The following COMMD1 variants were observed in gnomAD, a reference collection of about 807,000 sequenced individuals.
COMMD1 encodes the protein copper metabolism domain containing 1.
In COMMD1, 10 loss-of-function variants were observed where a neutral mutation model predicts 17.2. That is an observed-to-expected ratio of 0.58 (90% confidence interval 0.36 to 0.99). COMMD1 has a LOEUF of 0.99. Ranked by LOEUF, COMMD1 falls within the 50% of genes least tolerant of loss-of-function variation. The probability of loss-of-function intolerance (pLI) is 0.01; values close to 1 mark genes in which losing one functional copy is unlikely to be tolerated. For synonymous variants in COMMD1, 97 were observed against 91.6 expected, an observed-to-expected ratio of 1.06 and a Z score of -0.34; for missense variants, 270 against 231.8, an observed-to-expected ratio of 1.17 and a Z score of -1.07.
intron 2 of COMMD1, among the ~76,000 whole-genome samples, chr2:62,024,981 CT>C: frequency 6.6e-6 from 1 of 152,246 alleles, no homozygotes; most frequent in South Asian, 2.1e-4. Context: ...AATACTAGCA[CT>C]TTAGGAGGCT....
At chr2:61,962,796 C>A (rs1390383171) in intron 1 of COMMD1, among the ~76,000 whole-genome samples, 1 of 152,114 alleles carries the variant, frequency 6.6e-6, no homozygotes, top group Non-Finnish European at 1.5e-5. Context: ...CACATTTGGG[C>A]CCCTCCCAGA....
intron 1 of COMMD1, among the ~76,000 whole-genome samples, chr2:61,937,102 G>C (rs1189186745): frequency 6.6e-6 from 1 of 152,308 alleles, no homozygotes; most frequent in Non-Finnish European, 1.5e-5. Flanking sequence ...TTAAGATAAG[G>C]GGTTGTAGAC....
intron 1 of COMMD1, among the ~76,000 whole-genome samples, chr2:61,897,239 T>G (rs2105159757): frequency 6.6e-6 from 1 of 152,354 alleles, no homozygotes; most frequent in Non-Finnish European, 1.5e-5. Context: ...CATGATTAAC[T>G]ACCCTAGACC....
intron 2 of COMMD1, among the ~76,000 whole-genome samples, chr2:62,107,173 A>G (rs189186068): frequency 3.3e-5 from 5 of 152,344 alleles, no homozygotes; most frequent in Admixed American, 1.3e-4. Context: ...AGGAAAGTTT[A>G]AGTTATTTAG....
chr2:62,103,533 G>A lies in COMMD1; in HGVS notation c.463-32298G>A, dbSNP rs1297651667. 2.0e-5 allele frequency among the ~76,000 whole-genome samples: 3 copies of A among 152,296 alleles called. No homozygotes were observed. The East Asian group carries it at 5.8e-4, about 29-fold the overall frequency. On this transcript the variant is annotated intron_variant, in intron 2 of 2. Transcript: ENST00000311832. ...CCACACTATCATGAGTTTATTTTAGGTGTAGACCGTATATAGAACACAGGC... is the reference window on the plus strand; with the variant it reads ...CCACACTATCATGAGTTTATTTTAGATGTAGACCGTATATAGAACACAGGC...
intron 2 of COMMD1, among the ~76,000 whole-genome samples, chr2:62,035,002 A>G (rs547181971): frequency 2.0e-5 from 3 of 152,304 alleles, no homozygotes; most frequent in Non-Finnish European, 4.4e-5. Flanking sequence ...TCACATGTTT[A>G]ATTCTTATGT....
intron 2 of COMMD1, among the ~76,000 whole-genome samples, chr2:62,002,489 CAGAAAAAAAAAAAA>C (rs1668975181): frequency 2.1e-5 from 1 of 48,694 alleles, no homozygotes; most frequent in African/African-American, 1.0e-4. Flanking sequence ...GAGATTCCAC[CAGAAAAAAAAAAAA>C]AAAAAAAAAA....
At chr2:61,942,533 G>C (rs967333297) in intron 1 of COMMD1, among the ~76,000 whole-genome samples, 1 of 148,470 alleles carries the variant, frequency 6.7e-6, no homozygotes, top group Non-Finnish European at 1.5e-5. Flanking sequence ...GAGCCACTGT[G>C]CCTGGCCTTT....
chr2:61,993,240 AC>A (rs1354911665), intron 1 of COMMD1, among the ~76,000 whole-genome samples: 1 of 152,242 alleles, frequency 6.6e-6, no homozygotes, highest in Admixed American at 6.5e-5. Context: ...GAGGGCTTCT[AC>A]CAGCTAGTAG....
chr2:61,903,679 A>AGT (rs1254256714), upstream of COMMD1, among the ~76,000 whole-genome samples: 1 of 151,538 alleles, frequency 6.6e-6, no homozygotes, highest in Non-Finnish European at 1.5e-5. Context: ...CAGCCTCCCG[A>AGT]GTAGCTGGGA....
intron 2 of COMMD1, among the ~76,000 whole-genome samples, chr2:62,051,001 G>A (rs778317028): frequency 1.3e-5 from 2 of 151,998 alleles, no homozygotes; most frequent in Non-Finnish European, 2.9e-5. Flanking sequence ...AAAATCTGTA[G>A]GTGAAATTGT....
chr2:61,955,572 CTGTT>C (rs1157171707), intron 1 of COMMD1, among the ~76,000 whole-genome samples: 3 of 152,078 alleles, frequency 2.0e-5, no homozygotes, highest in African/African-American at 7.2e-5. Flanking sequence ...GAGTTCTCTT[CTGTT>C]TGTTTTTTTC....
At position 62,061,578 on chromosome 2, in the gene COMMD1, C is replaced by T. The variant is rs191845908; in HGVS notation, c.462+60596C>T. Among the ~76,000 whole-genome samples, 1,047 of 131,884 alleles carry T rather than the reference C, an allele frequency of 7.9e-3. 16 individuals are homozygous for T. The highest frequency in any genetic ancestry group is 0.027 in the African/African-American group (951 of 35,824). 86.5% of individuals were successfully genotyped at this position (131,884 alleles called of 152,430 possible). On this transcript the variant is annotated intron_variant, in intron 2 of 2. Coordinates refer to ENST00000311832, the MANE Select transcript of COMMD1 (RefSeq NM_152516.4). ...TCTTTTTTTTTTTTTTTTTTTGAGACGGAATCTAGCTCTGTTGCCCAGGCT... is the reference window on the plus strand; with the variant it reads ...TCTTTTTTTTTTTTTTTTTTTGAGATGGAATCTAGCTCTGTTGCCCAGGCT...
intron 2 of COMMD1, among the ~76,000 whole-genome samples, chr2:62,039,876 T>G (rs575208907): frequency 6.6e-6 from 1 of 152,196 alleles, no homozygotes; most frequent in African/African-American, 2.4e-5. Context: ...CATAGTAACA[T>G]GTAGTTTTAT....
intron 2 of COMMD1, among the ~76,000 whole-genome samples, chr2:62,094,046 C>T (rs1213169061): frequency 6.6e-6 from 1 of 152,194 alleles, no homozygotes; most frequent in East Asian, 1.9e-4. Context: ...AAATAAGAAC[C>T]ATCCGTGAAC....
At chr2:62,080,807 A>G (rs887075193) in intron 2 of COMMD1, among the ~76,000 whole-genome samples, 7 of 151,416 alleles carry the variant, frequency 4.6e-5, no homozygotes, top group African/African-American at 1.7e-4. Context: ...TTTTTTACCA[A>G]AATTGGCTAT....
chr2:62,096,198 C>T (rs1672005941), intron 2 of COMMD1, among the ~76,000 whole-genome samples: 1 of 152,076 alleles, frequency 6.6e-6, no homozygotes, highest in South Asian at 2.1e-4. Flanking sequence ...GCACCGCTGC[C>T]TAGCAGCTTT....
intron 2 of COMMD1, among the ~76,000 whole-genome samples, chr2:62,103,277 C>T (rs562967271): frequency 6.6e-5 from 10 of 152,158 alleles, no homozygotes; most frequent in East Asian, 5.8e-4. Context: ...CGCCCGGCCT[C>T]CAATCGTATT....
At chr2:61,938,722 A>G (rs1281656072) in intron 1 of COMMD1, among the ~76,000 whole-genome samples, 1 of 152,176 alleles carries the variant, frequency 6.6e-6, no homozygotes, top group Non-Finnish European at 1.5e-5. Context: ...TGCTGCCAGT[A>G]ACTTGGATCT....
Sources: allele counts gnomAD v4.1 joint callset (sites outside exome capture counted in the v4.1 genomes callset), GRCh38; gene constraint gnomAD v4.1.1; transcripts MANE v1.5; gene names NCBI Gene and HGNC (gene_info 2026-07-23, HGNC 2026-07-21).